Variants in LRBA observed in about 807,000 individuals in gnomAD.
The protein encoded by LRBA is LPS responsive beige-like anchor protein, also known as lipopolysaccharide-responsive and beige-like anchor protein.
Under a neutral mutation model 330.0 loss-of-function variants are expected in LRBA, and 176 were observed. The observed-to-expected ratio is 0.53, with a 90% CI of 0.47 to 0.60. LRBA has a LOEUF of 0.60. LRBA is among the 20% of genes least tolerant of loss of function. The pLI is 0.00. For synonymous variants in LRBA, 1,230 were observed against 1,193.0 expected, an observed-to-expected ratio of 1.03 and a Z score of -0.64; for missense variants, 3,259 against 3,444.8, an observed-to-expected ratio of 0.95 and a Z score of 1.35.
chr4:150,832,965 A>G (rs533050870), intron 28 of LRBA, among the ~76,000 whole-genome samples: 21 of 152,136 alleles, frequency 1.4e-4, no homozygotes, highest in Middle Eastern at 3.4e-3. Context: ...TTGAAGAGAC[A>G]GGGTCTTGTT....
chr4:150,677,763 C>T (rs1782680768), intron 37 of LRBA, among the ~76,000 whole-genome samples: 1 of 150,420 alleles, frequency 6.6e-6, no homozygotes, highest in African/African-American at 2.5e-5. Flanking sequence ...ATAATCACGC[C>T]ACTGCATCCA....
intron 47 of LRBA, among the ~76,000 whole-genome samples, chr4:150,393,519 T>A (rs1156249795): frequency 2.1e-5 from 3 of 140,388 alleles, no homozygotes; most frequent in African/African-American, 7.7e-5. Flanking sequence ...AGGGTCTCCC[T>A]CTGTTGCCAT....
chr4:150,661,156 T>C (rs781750879), intron 37 of LRBA, among the ~76,000 whole-genome samples: 1 of 140,862 alleles, frequency 7.1e-6, no homozygotes, highest in Non-Finnish European at 1.5e-5. Flanking sequence ...ACTTAATAAA[T>C]AGCATGATTT....
At chr4:150,979,015 G>A (rs954720422) in intron 2 of LRBA, among the ~76,000 whole-genome samples, 2 of 152,050 alleles carry the variant, frequency 1.3e-5, no homozygotes, top group Non-Finnish European at 2.9e-5. Flanking sequence ...CCTAGAGAAA[G>A]ATATCAATAC....
chr4:150,766,329 A>G (rs979793398), intron 34 of LRBA, among the ~76,000 whole-genome samples: 1 of 152,116 alleles, frequency 6.6e-6, no homozygotes, highest in Non-Finnish European at 1.5e-5. Context: ...TTAATAAAAT[A>G]CCAAATGCCA....
intron 40 of LRBA, among the ~76,000 whole-genome samples, chr4:150,556,509 T>C (rs563684891): frequency 1.3e-5 from 2 of 152,218 alleles, no homozygotes; most frequent in Non-Finnish European, 2.9e-5. Flanking sequence ...AATAATTATA[T>C]ACATAGTTAC....
intron 2 of LRBA, among the ~76,000 whole-genome samples, chr4:150,996,586 C>T (rs1205027528): frequency 2.6e-5 from 4 of 152,132 alleles, no homozygotes; most frequent in South Asian, 4.2e-4. Context: ...GAAATAGATG[C>T]AAAGAATCAA....
intron 35 of LRBA, among the ~76,000 whole-genome samples, chr4:150,738,218 T>C (rs376400938): frequency 1.8e-4 from 28 of 152,024 alleles, no homozygotes; most frequent in African/African-American, 6.5e-4. Context: ...CTTGAACTCC[T>C]GACCTCAGGT....
intron 40 of LRBA, among the ~76,000 whole-genome samples, chr4:150,520,482 T>C (rs1762807147): frequency 1.3e-5 from 2 of 152,216 alleles, no homozygotes; most frequent in South Asian, 4.1e-4. Context: ...TATTGAATAT[T>C]ATTGTAAATG....
At chr4:150,872,137 G>A (rs1325855220) in intron 18 of LRBA, among the ~76,000 whole-genome samples, 1 of 152,102 alleles carries the variant, frequency 6.6e-6, no homozygotes, top group Non-Finnish European at 1.5e-5. Context: ...TTTACAGGTG[G>A]CTAACTGGAT....
intron 17 of LRBA, among the ~76,000 whole-genome samples, chr4:150,878,221 C>A (rs1754279803): frequency 1.3e-5 from 2 of 151,890 alleles, no homozygotes. Flanking sequence ...CACCTGTAAT[C>A]CCAGCTACTC....
chr4:150,841,316 C>T (rs188445145), intron 28 of LRBA, among the ~76,000 whole-genome samples: 13 of 152,228 alleles, frequency 8.5e-5, no homozygotes, highest in Admixed American at 8.5e-4. Context: ...CAGTATATGC[C>T]TGATTTTTGG....
Position 150,944,709 on chromosome 4 carries a change from G to A in LRBA, c.217-15644C>T, listed in dbSNP as rs149944974. ...AGAAAAAGCAGTGAAAAAAATTCGA[G>A]TGGCTAACAGTTTGTACTCTGGCAT... On this transcript the variant is annotated intron_variant, in intron 2 of 56. Transcript: ENST00000651943. Among the ~76,000 whole-genome samples the A allele has an allele frequency of 2.4e-3, 359 of 152,284 alleles. 1 individual carries two copies. Among genetic ancestry groups the A allele is most frequent in the African/African-American group, 8.1e-3 (337 of 41,548 alleles).
At chr4:150,961,953 C>CT (rs1738195802) in intron 2 of LRBA, among the ~76,000 whole-genome samples, 1 of 149,188 alleles carries the variant, frequency 6.7e-6, no homozygotes. Context: ...TTTGAGGAAA[C>CT]TGAGGCATAG....
At chr4:150,327,307 A>G (rs1463785308) in intron 48 of LRBA, among the ~76,000 whole-genome samples, 1 of 151,970 alleles carries the variant, frequency 6.6e-6, no homozygotes, top group Non-Finnish European at 1.5e-5. Flanking sequence ...CAAGTCCCAG[A>G]TACTTAGGAG....
intron 2 of LRBA, among the ~76,000 whole-genome samples, chr4:150,993,312 T>TA (rs1158958285): frequency 6.6e-6 from 1 of 152,080 alleles, no homozygotes; most frequent in Non-Finnish European, 1.5e-5. Context: ...AAAAGGAACT[T>TA]AAAGAATAAA....
chr4:150,681,251 G>A (rs1457615793), intron 37 of LRBA, among the ~76,000 whole-genome samples: 3 of 152,150 alleles, frequency 2.0e-5, no homozygotes, highest in African/African-American at 7.2e-5. Flanking sequence ...AAAGTACACT[G>A]TGTTATTCCC....
intron 36 of LRBA, among the ~76,000 whole-genome samples, chr4:150,716,986 G>A (rs1053244636): frequency 9.2e-5 from 14 of 152,124 alleles, no homozygotes; most frequent in African/African-American, 3.4e-4. Context: ...AAGATGTGTT[G>A]TGGTACTGAA....
chr4:150,637,266 A>G (rs1051133010), intron 37 of LRBA, among the ~76,000 whole-genome samples: 3 of 152,044 alleles, frequency 2.0e-5, no homozygotes, highest in African/African-American at 7.2e-5. Flanking sequence ...TTATTTTGGG[A>G]TTATCTGTTC....
Sources: gnomAD v4.1 joint callset for allele counts (sites outside exome capture counted in the v4.1 genomes callset) on GRCh38, gnomAD v4.1.1 for gene constraint, MANE v1.5 for transcripts, NCBI Gene and HGNC (gene_info 2026-07-23, HGNC 2026-07-21) for gene names.